The following MTNR1A variants were observed in gnomAD, a reference collection of about 807,000 sequenced individuals.
MTNR1A encodes the protein melatonin receptor 1A.
Under a neutral mutation model 5.5 loss-of-function variants are expected in MTNR1A, and 7 were observed. That is an observed-to-expected ratio of 1.28 (90% CI 0.73 to 2.40). The LOEUF (loss-of-function observed/expected upper bound fraction) is 2.40. MTNR1A is among the 30% of genes most tolerant of loss of function. The probability of loss-of-function intolerance (pLI) is 0.00; values close to 1 mark genes in which losing one functional copy is unlikely to be tolerated. For synonymous variants in MTNR1A, 196 were observed against 202.7 expected (o/e 0.97, Z 0.28); for missense variants, 441 against 464.4 (o/e 0.95, Z 0.46).
chr4:186,533,764 G>A lies in MTNR1A; in HGVS notation c.978C>T (p.Asp326=), dbSNP rs200354842. The A allele has an allele frequency of 8.7e-6, 14 of 1,614,120 alleles. No individual in the cohort carries two copies. Among genetic ancestry groups the A allele is most frequent in the East Asian group, 4.5e-5 (2 of 44,878 alleles). Residue 326 remains aspartate, a synonymous_variant, in exon 2 of 2, where the codon GAC becomes GAT. Transcript: ENST00000307161. ...ARVFFVDSSN[D]VADRVKWKPS... ...GTTTCCATTTAACCCTATCGGCCAC[G>A]TCGTTAGAGCTGTCCACAAAGAACA...
chr4:186,552,296 C>A (rs1289890106), intron 1 of MTNR1A, among the ~76,000 whole-genome samples: 1 of 152,140 alleles, frequency 6.6e-6, no homozygotes, highest in Non-Finnish European at 1.5e-5. Flanking sequence ...ACCTAGACAC[C>A]AGTATCACAG....
intron 1 of MTNR1A, among the ~76,000 whole-genome samples, chr4:186,543,224 A>G (rs2111377383): frequency 6.6e-6 from 1 of 152,340 alleles, no homozygotes; most frequent in South Asian, 2.1e-4. Flanking sequence ...ATCAAGGGGA[A>G]ACTGGGTTAT....
rs1355251644 is a variant in MTNR1A, at chr4:186,547,106, CCT to C, written c.184+8074_184+8075del. On this transcript the variant is annotated intron_variant, in intron 1 of 1. Coordinates refer to ENST00000307161, the MANE Select transcript of MTNR1A (RefSeq NM_005958.4). Reference sequence around the variant, plus strand: ...GGACACACCGTCCTCACACCCTGTTCCTGGGACACACCGTCCTCACACCCTGT... The same window carrying C: ...GGACACACCGTCCTCACACCCTGTTCGGGACACACCGTCCTCACACCCTGT... Among the ~76,000 whole-genome samples the C allele has an allele frequency of 1.4e-3, 53 of 37,946 alleles. 13 individuals carry two copies. The highest frequency in any genetic ancestry group is 2.5e-3 in the Non-Finnish European group (45 of 18,000). The allele number at this position is 37,946 out of a possible 152,430, so 24.9% of individuals were successfully genotyped here. A position where few individuals can be genotyped will look rare whatever the true frequency, so the allele number is the denominator to read the frequency against.
chr4:186,538,358 G>A (rs1030231162), intron 1 of MTNR1A, among the ~76,000 whole-genome samples: 7 of 152,204 alleles, frequency 4.6e-5, no homozygotes, highest in African/African-American at 1.2e-4. Flanking sequence ...AGGCAATTGC[G>A]TGAGATTTTG....
intron 1 of MTNR1A, among the ~76,000 whole-genome samples, chr4:186,552,600 C>T (rs140322699): frequency 0.011 from 1,627 of 152,284 alleles, 20 homozygotes; most frequent in Middle Eastern, 0.02. Context: ...CACAGTATTA[C>T]GTGTTTTATC....
At chr4:186,537,748 T>G (rs1165507322) in intron 1 of MTNR1A, among the ~76,000 whole-genome samples, 1 of 152,270 alleles carries the variant, frequency 6.6e-6, no homozygotes, top group Non-Finnish European at 1.5e-5. Context: ...CTGAGAAAGC[T>G]CCTGTGCTCC....
chr4:186,542,269 C>T (rs1282906052), intron 1 of MTNR1A, among the ~76,000 whole-genome samples: 1 of 152,184 alleles, frequency 6.6e-6, no homozygotes, highest in Non-Finnish European at 1.5e-5. Flanking sequence ...TTTGTTCTGG[C>T]TGGAACAGAG....
intron 1 of MTNR1A, among the ~76,000 whole-genome samples, chr4:186,549,354 A>C (rs1737221091): frequency 1.3e-5 from 2 of 152,240 alleles, no homozygotes; most frequent in Non-Finnish European, 2.9e-5. Context: ...CTAGTTCTCC[A>C]GCAGGCGTTT....
chr4:186,549,090 C>T (rs1579255304), intron 1 of MTNR1A, among the ~76,000 whole-genome samples: 1 of 151,474 alleles, frequency 6.6e-6, no homozygotes, highest in East Asian at 1.9e-4. Context: ...ATGAGTGAAC[C>T]AGAATTTTCT....
Position 186,533,995 on chromosome 4 carries a change from A to G in MTNR1A, c.747T>C (p.Ile249=). The G allele has an allele frequency of 6.2e-7, 1 of 1,614,176 alleles. No homozygotes were observed. Among genetic ancestry groups the G allele is most frequent in the Non-Finnish European group, 8.5e-7 (1 of 1,180,032 alleles). ...TMFVVFVLFA[I]CWAPLNFIGL... ...CAATGAAGTTCAGAGGAGCCCAGCA[A>G]ATGGCAAAAAGGACAAAAACCACAA... is the stretch of plus-strand genomic sequence containing the variant. Residue 249 remains isoleucine (I), a synonymous_variant, in exon 2 of 2, where the codon ATT becomes ATC. Coordinates refer to ENST00000307161, the MANE Select transcript of MTNR1A (RefSeq NM_005958.4).
chr4:186,555,473 G>A lies in MTNR1A; in HGVS notation c.-108C>T. The A allele has an allele frequency of 1.0e-6, 1 of 960,114 alleles. No homozygotes were observed. Among genetic ancestry groups the A allele is most frequent in the Non-Finnish European group, 1.3e-6 (1 of 749,800 alleles). The allele number at this position is 960,114 out of a possible 1,614,324, so 59.5% of individuals were successfully genotyped here. On this transcript the variant is annotated 5_prime_UTR_variant, in exon 1 of 2. Coordinates refer to ENST00000307161, the MANE Select transcript of MTNR1A (RefSeq NM_005958.4). This position sits in a 1 kb window ranked among gnomAD's most constrained non-coding sequence, Gnocchi z 4.1. ...TCCCCGCGCCCACGCCCCATCCCGC[G>A]CGCTCCTCCACGCCGCGCCCCCGGA...
At chr4:186,545,784 A>AT (rs144037936) in intron 1 of MTNR1A, among the ~76,000 whole-genome samples, 6,115 of 152,166 alleles carry the variant, frequency 0.04, 302 homozygotes, top group African/African-American at 0.12. Flanking sequence ...CTTGGTTTGT[A>AT]TTTTTTAAAA....
chr4:186,539,180 GCACTC>G (rs1736948902), intron 1 of MTNR1A, among the ~76,000 whole-genome samples: 1 of 139,222 alleles, frequency 7.2e-6, no homozygotes, highest in Admixed American at 7.8e-5. Flanking sequence ...TCGTGCCACT[GCACTC>G]CAGCCTGGCA....
intron 1 of MTNR1A, among the ~76,000 whole-genome samples, chr4:186,541,153 C>T (rs779465061): frequency 1.6e-4 from 24 of 152,190 alleles, no homozygotes; most frequent in Non-Finnish European, 2.9e-4. Context: ...ACCTTCTTGC[C>T]TGGTTTCCAC....
intron 1 of MTNR1A, among the ~76,000 whole-genome samples, chr4:186,547,712 A>C (rs1395816672): frequency 6.6e-6 from 1 of 152,146 alleles, no homozygotes; most frequent in Non-Finnish European, 1.5e-5. Context: ...ACTGCTTTCT[A>C]TTATACACGG....
intron 1 of MTNR1A, among the ~76,000 whole-genome samples, chr4:186,547,847 G>C (rs1737190657): frequency 6.6e-6 from 1 of 152,088 alleles, no homozygotes; most frequent in Non-Finnish European, 1.5e-5. Context: ...GTTCCCATCT[G>C]GATTTCAGTC....
intron 1 of MTNR1A, among the ~76,000 whole-genome samples, chr4:186,538,806 G>C (rs1416919998): frequency 6.6e-6 from 1 of 152,166 alleles, no homozygotes; most frequent in Non-Finnish European, 1.5e-5. Context: ...TCTCTGTATT[G>C]GTTTTGGGTT....
chr4:186,551,230 A>G (rs1737261046), intron 1 of MTNR1A, among the ~76,000 whole-genome samples: 1 of 152,204 alleles, frequency 6.6e-6, no homozygotes, highest in Non-Finnish European at 1.5e-5. Flanking sequence ...ACAGCTGAAT[A>G]TCGAAATAAT....
chr4:186,534,650 C>A, intron 1 of MTNR1A, 93 bp from the exon 2 acceptor site: 1 of 1,486,716 alleles, frequency 6.7e-7, no homozygotes, highest in Non-Finnish European at 9.2e-7. Context: ...TCTGCAGCTC[C>A]GATGACCTGA....
Sources: gnomAD v4.1 joint callset for allele counts (sites outside exome capture counted in the v4.1 genomes callset) on GRCh38, gnomAD v4.1.1 for gene constraint, Gnocchi (gnomAD v3.1) non-coding constraint, MANE v1.5 for transcripts, NCBI Gene and HGNC (gene_info 2026-07-23, HGNC 2026-07-21) for gene names.